NUP160: variants seen among roughly 807,000 people sequenced by gnomAD.
The protein encoded by NUP160 is nucleoporin 160.
In NUP160, 94 loss-of-function variants were observed where a neutral mutation model predicts 196.9. That is an observed-to-expected ratio of 0.48 (90% CI 0.40 to 0.57). NUP160 has a LOEUF of 0.57. Among genes scored for constraint, NUP160 ranks in the 20% least tolerant of loss-of-function variants. NUP160 has a pLI of 0.00. For synonymous variants in NUP160, 605 were observed against 619.7 expected (o/e 0.98, Z 0.35); for missense variants, 1,638 against 1,748.3 (o/e 0.94, Z 1.13).
At chr11:47,782,511 T>A (rs2097662024) in intron 34 of NUP160, among the ~76,000 whole-genome samples, 1 of 150,866 alleles carries the variant, frequency 6.6e-6, no homozygotes, top group Non-Finnish European at 1.5e-5. Context: ...CTCAGGACAC[T>A]TAACGTTAAC....
intron 35 of NUP160, chr11:47,779,619 CTA>C (rs763730476): frequency 2.0e-6 from 1 of 509,474 alleles, no homozygotes; most frequent in Non-Finnish European, 3.9e-6. Flanking sequence ...CAAGGAAACA[CTA>C]TTGTTTTTTA....
rs1218271255 is a variant in NUP160, at chr11:47,789,760, T to C, written c.3512-1149A>G. Among the ~76,000 whole-genome samples, 3 of 151,916 alleles carry C rather than the reference T, an allele frequency of 2.0e-5. No individual in the cohort carries two copies. In the East Asian group the frequency reaches 5.8e-4, roughly 29 times the overall value. Reference sequence around the variant, plus strand: ...TGTTACAATATAACTACTGTCTAAATTGCATGTATAGTTGACCCTTGAACA... The same window carrying C: ...TGTTACAATATAACTACTGTCTAAACTGCATGTATAGTTGACCCTTGAACA... On this transcript the variant is annotated intron_variant, in intron 29 of 35. Coordinates refer to ENST00000378460, the Ensembl canonical transcript of NUP160.
chr11:47,779,493 G>A (rs971713277), intron 35 of NUP160: 3 of 494,822 alleles, frequency 6.1e-6, no homozygotes, highest in Admixed American at 2.4e-5. Flanking sequence ...CAGAAATGCT[G>A]CATCTGATAT....
intron 2 of NUP160, among the ~76,000 whole-genome samples, chr11:47,840,954 A>C (rs1028789821): frequency 3.9e-5 from 6 of 152,132 alleles, no homozygotes; most frequent in Non-Finnish European, 8.8e-5. Context: ...TGACCTTAAT[A>C]ATTGCGGTTA....
intron 27 of NUP160, chr11:47,796,432 C>A: frequency 3.2e-6 from 1 of 313,052 alleles, no homozygotes; most frequent in South Asian, 1.3e-4. Flanking sequence ...TTAAAAAAAT[C>A]ATGATGTCTT....
chr11:47,804,697 G>T, intron 20 of NUP160, 79 bp from the exon 21 acceptor site: 1 of 961,834 alleles, frequency 1.0e-6, no homozygotes, highest in Non-Finnish European at 1.5e-6. Context: ...ATTCAGAAAA[G>T]TCCATAAAAT....
intron 11 of NUP160, among the ~76,000 whole-genome samples, 197 bp downstream of exon 11, chr11:47,817,859 C>T (rs1354573636): frequency 6.6e-6 from 1 of 151,956 alleles, no homozygotes; most frequent in Non-Finnish European, 1.5e-5. Context: ...AAGTGGTCCC[C>T]CCTCCAACCT....
chr11:47,789,527 AC>A (rs2097666704), intron 29 of NUP160, among the ~76,000 whole-genome samples: 2 of 152,194 alleles, frequency 1.3e-5, no homozygotes, highest in African/African-American at 4.8e-5. Flanking sequence ...CAAGAAAAAA[AC>A]CACATTCTTA....
chr11:47,783,457 C>A (rs1433511310), intron 33 of NUP160, among the ~76,000 whole-genome samples: 1 of 152,156 alleles, frequency 6.6e-6, no homozygotes, highest in African/African-American at 2.4e-5. Context: ...GCCTTCTTCC[C>A]CTGTTTTATG....
chr11:47,793,704 A>G (rs2097669165), intron 27 of NUP160, among the ~76,000 whole-genome samples: 1 of 139,786 alleles, frequency 7.2e-6, no homozygotes, highest in African/African-American at 2.7e-5. Flanking sequence ...AAATCATTTA[A>G]TTATCTGTAA....
chr11:47,788,636 G>T, intron 29 of NUP160, 25 bp from the exon 30 acceptor site: 1 of 1,461,178 alleles, frequency 6.8e-7, no homozygotes, highest in South Asian at 1.1e-5. Flanking sequence ...AAAATATTTT[G>T]AACTCCCAAA....
intron 9 of NUP160, 146 bp from the exon 10 acceptor site, chr11:47,819,604 A>T: frequency 2.3e-5 from 11 of 471,450 alleles, no homozygotes; most frequent in Admixed American, 3.8e-5. Flanking sequence ...ATTTTTTTTT[A>T]AATAAGAAAG....
At chr11:47,813,962 T>C (rs955655591) in intron 13 of NUP160, among the ~76,000 whole-genome samples, 1 of 145,174 alleles carries the variant, frequency 6.9e-6, no homozygotes, top group Non-Finnish European at 1.5e-5. Flanking sequence ...TCCCAGCTAC[T>C]GGTGAGGCTG....
chr11:47,840,823 C>T (rs1252166501), intron 2 of NUP160, among the ~76,000 whole-genome samples: 1 of 152,078 alleles, frequency 6.6e-6, no homozygotes, highest in Non-Finnish European at 1.5e-5. Context: ...ACTTGATAGG[C>T]CATTTATTTA....
intron 33 of NUP160, among the ~76,000 whole-genome samples, chr11:47,784,361 G>A (rs1488624217): frequency 6.6e-6 from 1 of 152,178 alleles, no homozygotes; most frequent in Non-Finnish European, 1.5e-5. Context: ...ATCGGAAACT[G>A]GTTGTGCTCA....
intron 17 of NUP160, among the ~76,000 whole-genome samples, chr11:47,810,548 CT>C (rs747018018): frequency 3.3e-3 from 455 of 139,238 alleles, no homozygotes; most frequent in Middle Eastern, 3.7e-3. Flanking sequence ...TTTATAATTT[CT>C]TTTTTTTTTT....
chr11:47,822,904 C>CT (rs1463219978), intron 7 of NUP160, among the ~76,000 whole-genome samples: 2 of 152,252 alleles, frequency 1.3e-5, no homozygotes, highest in Non-Finnish European at 2.9e-5. Context: ...TGAACTCATC[C>CT]TTTTTTATGG....
intron 7 of NUP160, among the ~76,000 whole-genome samples, chr11:47,830,166 C>A (rs1852045361): frequency 6.6e-6 from 1 of 152,140 alleles, no homozygotes; most frequent in African/African-American, 2.4e-5. Flanking sequence ...CAATGAGATA[C>A]CATCGCACAG....
intron 29 of NUP160, 47 bp from the exon 30 acceptor site, chr11:47,788,658 T>C: frequency 8.2e-7 from 1 of 1,219,940 alleles, no homozygotes; most frequent in Non-Finnish European, 1.2e-6. Context: ...TACAAAGAAG[T>C]ATCCATCAGA....
Sources: gnomAD v4.1 joint callset for allele counts (sites outside exome capture counted in the v4.1 genomes callset) on GRCh38, gnomAD v4.1.1 for gene constraint, MANE v1.5 for transcripts, NCBI Gene and HGNC (gene_info 2026-07-23, HGNC 2026-07-21) for gene names.